NRP1: variants seen among roughly 807,000 people sequenced by gnomAD.
NRP1 encodes the protein neuropilin-1.
Under a neutral mutation model 106.7 loss-of-function variants are expected in NRP1, and 35 were observed. The ratio of observed to expected loss-of-function variants is 0.33; its 90% confidence interval spans 0.25 to 0.43. The LOEUF (loss-of-function observed/expected upper bound fraction) is 0.43. Ranked by LOEUF, NRP1 falls within the 20% of genes least tolerant of loss-of-function variation. The pLI is 1.00. For missense variants in NRP1, 1,024 were observed against 1,170.4 expected, an observed-to-expected ratio of 0.87 and a Z score of 1.83; for synonymous variants, 437 against 417.9, an observed-to-expected ratio of 1.05 and a Z score of -0.56.
intron 13 of NRP1, among the ~76,000 whole-genome samples, chr10:33,191,228 T>C (rs1836389450): frequency 6.6e-6 from 1 of 152,052 alleles, no homozygotes; most frequent in African/African-American, 2.4e-5. Flanking sequence ...AGGGGGCAGA[T>C]AATAGAGTTC....
chr10:33,281,490 C>T (rs1844126017), intron 2 of NRP1, among the ~76,000 whole-genome samples: 1 of 152,198 alleles, frequency 6.6e-6, no homozygotes, highest in Non-Finnish European at 1.5e-5. Flanking sequence ...CAAAAGGCGG[C>T]TCCTCCATTA....
intron 7 of NRP1, 69 bp downstream of exon 7, chr10:33,226,061 CCAAA>C (rs1290264436): frequency 8.6e-6 from 13 of 1,511,600 alleles, no homozygotes; most frequent in South Asian, 4.7e-5. Context: ...CAGAAAGCTA[CCAAA>C]CAAACAAGTA....
chr10:33,224,828 T>G (rs1238781868), intron 7 of NRP1, among the ~76,000 whole-genome samples: 1 of 152,174 alleles, frequency 6.6e-6, no homozygotes, highest in Non-Finnish European at 1.5e-5. Context: ...TGTTTGGTTT[T>G]CTCCTCCTGA....
intron 6 of NRP1, among the ~76,000 whole-genome samples, chr10:33,227,743 T>C (rs140908097): frequency 6.6e-6 from 1 of 151,922 alleles, no homozygotes; most frequent in Non-Finnish European, 1.5e-5. Flanking sequence ...ATCTCGAGGG[T>C]CTGTGTTTTC....
At chr10:33,182,833 G>GCGCGCGCACACACA in intron 15 of NRP1, 85 bp from the exon 16 acceptor site, 1 of 746,334 alleles carries the variant, frequency 1.3e-6, no homozygotes, top group Non-Finnish European at 2.3e-6. Flanking sequence ...TTAGGTACAT[G>GCGCGCGCACACACA]CACACACACA....
At chr10:33,310,008 C>A (rs972318107) in intron 2 of NRP1, among the ~76,000 whole-genome samples, 1 of 150,180 alleles carries the variant, frequency 6.7e-6, no homozygotes, top group African/African-American at 2.5e-5. Context: ...AGTGCAGTGG[C>A]GCGATCTCCG....
At chr10:33,207,821 T>C in intron 9 of NRP1, 105 bp from the exon 10 acceptor site, 1 of 1,243,902 alleles carries the variant, frequency 8.0e-7, no homozygotes, top group East Asian at 2.4e-5. Context: ...GGCAGAGAAA[T>C]TGGCTTCATT....
chr10:33,289,155 C>T (rs1212515879), intron 2 of NRP1, among the ~76,000 whole-genome samples: 2 of 152,150 alleles, frequency 1.3e-5, no homozygotes, highest in African/African-American at 4.8e-5. Context: ...GAAGAGAACA[C>T]CTTAAACTTT....
chr10:33,211,782 T>C (rs1838320373), intron 9 of NRP1: 1 of 152,076 alleles, frequency 6.6e-6, no homozygotes, highest in Non-Finnish European at 1.5e-5. Flanking sequence ...AGAGTGGGAG[T>C]GAGGGTAATA....
chr10:33,203,221 T>G (rs995591296), intron 10 of NRP1, among the ~76,000 whole-genome samples: 2 of 152,226 alleles, frequency 1.3e-5, no homozygotes, highest in Admixed American at 1.3e-4. Context: ...CCGAGTAGAG[T>G]TGTCTGCCTT....
chr10:33,263,423 C>T (rs1248386863), intron 4 of NRP1, among the ~76,000 whole-genome samples: 3 of 152,190 alleles, frequency 2.0e-5, no homozygotes, highest in Non-Finnish European at 4.4e-5. Context: ...TTCATGGCCT[C>T]AGCTTCTTAT....
chr10:33,236,837 C>A (rs1311718949), intron 6 of NRP1, among the ~76,000 whole-genome samples: 1 of 152,168 alleles, frequency 6.6e-6, no homozygotes, highest in African/African-American at 2.4e-5. Context: ...TTAAAAACTT[C>A]TCTGGGGCAA....
At chr10:33,242,324 A>G (rs1841088355) in intron 6 of NRP1, among the ~76,000 whole-genome samples, 1 of 152,224 alleles carries the variant, frequency 6.6e-6, no homozygotes, top group Non-Finnish European at 1.5e-5. Context: ...GCCATTTTAT[A>G]TTGGAGCTTT....
intron 10 of NRP1, chr10:33,206,376 A>G (rs11815912): frequency 0.29 from 149,452 of 515,884 alleles, 23,788 homozygotes; most frequent in East Asian, 0.61. Flanking sequence ...GGGGTTTGGG[A>G]CATGACTACA....
chr10:33,227,005 T>C (rs984685328), intron 6 of NRP1, among the ~76,000 whole-genome samples: 3 of 152,190 alleles, frequency 2.0e-5, no homozygotes, highest in Non-Finnish European at 4.4e-5. Context: ...CTCATATTTG[T>C]CTCAGAATAA....
At chr10:33,181,519 C>T (rs1034440201) in intron 16 of NRP1, among the ~76,000 whole-genome samples, 2 of 152,190 alleles carry the variant, frequency 1.3e-5, no homozygotes, top group African/African-American at 2.4e-5. Flanking sequence ...CAGCACCATC[C>T]ACACAGCAGC....
intron 2 of NRP1, among the ~76,000 whole-genome samples, chr10:33,271,316 C>T (rs149478157): frequency 0.017 from 2,561 of 152,184 alleles, 57 homozygotes; most frequent in Non-Finnish European, 0.021. Context: ...TTTCTGTGAG[C>T]GACCCTCTAA....
At chr10:33,259,836 A>C (rs921194820) in intron 4 of NRP1, among the ~76,000 whole-genome samples, 1 of 152,160 alleles carries the variant, frequency 6.6e-6, no homozygotes, top group Admixed American at 6.5e-5. Context: ...CTGATCTACT[A>C]TAAAGAGGTA....
rs192485464 is a variant in NRP1, at chr10:33,302,097, A to G, written c.248+28611T>C. Among the ~76,000 whole-genome samples the G allele has an allele frequency of 3.3e-5, 5 of 152,336 alleles. No homozygotes were observed. In the East Asian group the frequency reaches 7.7e-4, roughly 24 times the overall value. ...ACAGAGTCTCTGTATAATAAAAAAA[A>G]ATTTCCAATTTCTCCAAAGTGAAGA... On this transcript the variant is annotated intron_variant, in intron 2 of 16. Coordinates refer to ENST00000374867, the MANE Select transcript of NRP1 (RefSeq NM_003873.7).
Sources: allele counts gnomAD v4.1 joint callset (sites outside exome capture counted in the v4.1 genomes callset), GRCh38; gene constraint gnomAD v4.1.1; transcripts MANE v1.5; gene names NCBI Gene and HGNC (gene_info 2026-07-23, HGNC 2026-07-21).